SHANK1: variants seen among roughly 807,000 people sequenced by gnomAD.
SHANK1 encodes the protein SH3 and multiple ankyrin repeat domains protein 1.
SHANK1 carries 35 observed loss-of-function variants against 165.6 expected under a neutral mutation model. The observed-to-expected ratio is 0.21, with a 90% CI of 0.16 to 0.28. The LOEUF is 0.28. Ranked by LOEUF, SHANK1 falls within the 10% of genes least tolerant of loss-of-function variation. The pLI is 1.00. For synonymous variants in SHANK1, 1,428 were observed against 1,384.8 expected (o/e 1.03, Z -0.69); for missense variants, 2,681 against 3,036.4 (o/e 0.88, Z 2.75).
At position 50,702,880 on chromosome 19, in the gene SHANK1, GC is replaced by G. The variant is rs1055151130; in HGVS notation, c.1554-221del. On this transcript the variant is annotated intron_variant, in intron 11 of 23. Coordinates refer to ENST00000293441, the MANE Select transcript of SHANK1 (RefSeq NM_016148.5). This position sits in a 1 kb window ranked among gnomAD's most constrained non-coding sequence, Gnocchi z 5.3. The stretch of plus-strand genomic sequence containing the variant: ...CTCCTGCCTCCTGGCTTCCGGCTCT[GC>G]CCCCTCCCACGGTCCTGCGCGCACC... 6.6e-6 allele frequency among the ~76,000 whole-genome samples: 1 copy of G among 152,034 alleles called. No homozygotes were observed. Among genetic ancestry groups the G allele is most frequent in the African/African-American group, 2.4e-5 (1 of 41,380 alleles).
chr19:50,659,441 T>G lies in SHANK1; in HGVS notation c.*2524A>C. The G allele has an allele frequency of 1.2e-5, 3 of 242,426 alleles. No individual in the cohort carries two copies. The highest frequency in any genetic ancestry group is 1.6e-5 in the Non-Finnish European group (2 of 127,694). 15.0% of individuals were successfully genotyped at this position (242,426 alleles called of 1,614,324 possible). ...CTGTACGTGGACGCCTGGGTCCCAA[T>G]CCCTTGAGGGATGAACTGAAGCCCG... On this transcript the variant is annotated 3_prime_UTR_variant, in exon 24 of 24. Transcript: ENST00000293441.
chr19:50,690,991 G>A lies in SHANK1; in HGVS notation c.1965-1712C>T, dbSNP rs954211645. On this transcript the variant is annotated intron_variant, in intron 15 of 23. Transcript: ENST00000293441. This position sits in a 1 kb window ranked among gnomAD's most constrained non-coding sequence, Gnocchi z 4.9. ...CTCCCTTCCTGCTGCCACCCTCCTT[G>A]TGGCACCTCAGTGCACCTAACACCA... is the stretch of plus-strand genomic sequence containing the variant. 6.6e-6 allele frequency among the ~76,000 whole-genome samples: 1 copy of A among 152,092 alleles called. No individual in the cohort carries two copies. The highest frequency in any genetic ancestry group is 1.5e-5 in the Non-Finnish European group (1 of 67,998).
chr19:50,666,522 CCCG>C lies in SHANK1; in HGVS notation c.5435_5437del (p.Ala1812del). ...TTCTGGCTCTACAGCCACCGGACCC[CCCG>C]CCACGCCTGCCGTGGGGGGTCCTGA... On this transcript the variant is annotated inframe_deletion, in exon 23 of 24. Coordinates refer to ENST00000293441, the MANE Select transcript of SHANK1 (RefSeq NM_016148.5). 6.3e-7 allele frequency: 1 copy of C among 1,586,374 alleles called. No homozygotes were observed.
chr19:50,659,255 T>C lies in SHANK1; in HGVS notation c.*2710A>G. On this transcript the variant is annotated 3_prime_UTR_variant, in exon 24 of 24. Transcript: ENST00000293441. Reference sequence around the variant, plus strand: ...TTCCCAGGAAGGAGGCGGGGCCGGCTCGAGGGGGTGGATACTGTGAGTTTA... The same window carrying C: ...TTCCCAGGAAGGAGGCGGGGCCGGCCCGAGGGGGTGGATACTGTGAGTTTA... 1 of 848,840 alleles carries C rather than the reference T, an allele frequency of 1.2e-6. No homozygotes were observed. Among genetic ancestry groups the C allele is most frequent in the Non-Finnish European group, 1.6e-6 (1 of 630,846 alleles). The allele number at this position is 848,840 out of a possible 1,614,324, so 52.6% of individuals were successfully genotyped here. A position where few individuals can be genotyped will look rare whatever the true frequency, so the allele number is the denominator to read the frequency against.
chr19:50,672,372 C>T (rs187910678), intron 21 of SHANK1, among the ~76,000 whole-genome samples: 38 of 151,598 alleles, frequency 2.5e-4, no homozygotes, highest in Non-Finnish European at 3.8e-4. Flanking sequence ...ATGGCAAAAC[C>T]TCGTCTCTCT....
intron 21 of SHANK1, among the ~76,000 whole-genome samples, chr19:50,672,784 C>T (rs1460237329): frequency 6.6e-6 from 1 of 152,068 alleles, no homozygotes; most frequent in East Asian, 1.9e-4. Context: ...TCCTTGATCC[C>T]CCACCCTGTT....
rs376232050 is a variant in SHANK1 at position 50,711,505 on chromosome 19, C to T, written c.961-18G>A. On this transcript the variant is annotated intron_variant, in intron 7 of 23. Transcript: ENST00000293441. Reference sequence around the variant, plus strand: ...TGGCAGGCCTGGGCAGGACAGGGAGCGAGGGGCATGGATCAGACCCAGGCT... The same window carrying T: ...TGGCAGGCCTGGGCAGGACAGGGAGTGAGGGGCATGGATCAGACCCAGGCT... The T allele has an allele frequency of 2.8e-5, 43 of 1,545,562 alleles. No homozygotes were observed. The highest frequency in any genetic ancestry group is 2.4e-4 in the East Asian group (10 of 42,248).
At position 50,698,050 on chromosome 19, in the gene SHANK1, C is replaced by A. The variant is rs188955575; in HGVS notation, c.1748-94G>T. 5.8e-5 allele frequency: 51 copies of A among 885,076 alleles called. No homozygotes were observed. The East Asian group carries it at 1.3e-3, about 23-fold the overall frequency. 54.8% of individuals were successfully genotyped at this position (885,076 alleles called of 1,614,324 possible). On this transcript the variant is annotated intron_variant, in intron 12 of 23. Coordinates refer to ENST00000293441, the MANE Select transcript of SHANK1 (RefSeq NM_016148.5). ...CAACTTAGAGCATTCCCACAGTTACCAGCTCCTGGCCCAAGGCCATCCTTA... is the reference window on the plus strand; with the variant it reads ...CAACTTAGAGCATTCCCACAGTTACAAGCTCCTGGCCCAAGGCCATCCTTA...
chr19:50,703,266 G>C (rs2088891780), intron 11 of SHANK1, among the ~76,000 whole-genome samples: 1 of 152,100 alleles, frequency 6.6e-6, no homozygotes, highest in Non-Finnish European at 1.5e-5. Context: ...TTTCTTTGGG[G>C]TACCCTCTGC....
At chr19:50,685,652 G>C (rs1274918) in intron 21 of SHANK1, among the ~76,000 whole-genome samples, 1 of 151,954 alleles carries the variant, frequency 6.6e-6, no homozygotes, top group Non-Finnish European at 1.5e-5. Context: ...TGAACCCGGG[G>C]GGCAGAGGTT....
At chr19:50,676,619 C>T (rs1264644935) in intron 21 of SHANK1, among the ~76,000 whole-genome samples, 1 of 152,154 alleles carries the variant, frequency 6.6e-6, no homozygotes, top group Non-Finnish European at 1.5e-5. Context: ...AGGCTTCCTC[C>T]TGTTACTCTG....
chr19:50,688,787 G>C lies in SHANK1; in HGVS notation c.2172+57C>G. 6.4e-7 allele frequency: 1 copy of C among 1,560,386 alleles called. No homozygotes were observed. On this transcript the variant is annotated intron_variant, in intron 17 of 23. Transcript: ENST00000293441. This position sits in a 1 kb window ranked among gnomAD's most constrained non-coding sequence, Gnocchi z 6.7. Reference sequence around the variant, plus strand: ...GCAGCCAGATCCTGGTGTGAATCATGAGGGGGTCTGGGAACTTGTCACAGG... The same window carrying C: ...GCAGCCAGATCCTGGTGTGAATCATCAGGGGGTCTGGGAACTTGTCACAGG...
Position 50,672,054 on chromosome 19 carries a change from G to T in SHANK1, c.2638C>A (p.Pro880Thr). 1 of 1,613,946 alleles carries T rather than the reference G, an allele frequency of 6.2e-7. No individual in the cohort carries two copies. The highest frequency in any genetic ancestry group is 8.5e-7 in the Non-Finnish European group (1 of 1,179,938). The change falls in exon 22 of 24, where the codon CCA becomes ACA. Residue 880 changes from proline (P) to threonine (T), a missense_variant. Transcript: ENST00000293441. Reference sequence around the variant, plus strand: ...TGCCGGAGCATCAACCCAGGTCCTGGAGGCAGGAAAGAAGGACGCTCGTAA... The same window carrying T: ...TGCCGGAGCATCAACCCAGGTCCTGTAGGCAGGAAAGAAGGACGCTCGTAA... ...PSYERPSFLP[P>T]GPGLMLRQKS...
chr19:50,680,309 C>T (rs1252655439), intron 21 of SHANK1, among the ~76,000 whole-genome samples: 2 of 152,054 alleles, frequency 1.3e-5, no homozygotes, highest in Non-Finnish European at 2.9e-5. Flanking sequence ...GGGAGGGCAG[C>T]TCTGACTCAG....
At chr19:50,698,295 C>T (rs963588233) in intron 12 of SHANK1, among the ~76,000 whole-genome samples, 2 of 152,166 alleles carry the variant, frequency 1.3e-5, no homozygotes, top group African/African-American at 4.8e-5. Context: ...CTCCTAGGCT[C>T]TGTGGACTTA....
chr19:50,711,833 T>G, intron 7 of SHANK1, 114 bp downstream of exon 7: 1 of 1,202,650 alleles, frequency 8.3e-7, no homozygotes. Flanking sequence ...ACCATGTTAT[T>G]CTCACCCCCA....
rs151003897 is a variant in SHANK1 at position 50,710,290 on chromosome 19, G to A, written c.1077+1081C>T. 9.2e-5 allele frequency among the ~76,000 whole-genome samples: 14 copies of A among 152,314 alleles called. No homozygotes were observed. In the South Asian group the frequency reaches 1.5e-3, roughly 16 times the overall value. On this transcript the variant is annotated intron_variant, in intron 8 of 23. Transcript: ENST00000293441. ...GGCATACTGCTGGCTGCCACAAGGCGGCACGTGGCCACCCGCCAAATCCCC... is the reference window on the plus strand; with the variant it reads ...GGCATACTGCTGGCTGCCACAAGGCAGCACGTGGCCACCCGCCAAATCCCC...
chr19:50,671,764 T>TC (rs959267064), intron 22 of SHANK1, among the ~76,000 whole-genome samples: 7 of 152,046 alleles, frequency 4.6e-5, no homozygotes, highest in Non-Finnish European at 8.8e-5. Context: ...GCTCACTGCA[T>TC]CCCCATTCTC....
intron 21 of SHANK1, among the ~76,000 whole-genome samples, chr19:50,679,182 G>T (rs1207721182): frequency 6.7e-6 from 1 of 148,712 alleles, no homozygotes; most frequent in Non-Finnish European, 1.5e-5. Context: ...TGATGGGGGG[G>T]TGTCAGTGTG....
Sources: gnomAD v4.1 joint callset for allele counts (sites outside exome capture counted in the v4.1 genomes callset) on GRCh38, gnomAD v4.1.1 for gene constraint, Gnocchi (gnomAD v3.1) non-coding constraint, MANE v1.5 for transcripts, NCBI Gene and HGNC (gene_info 2026-07-23, HGNC 2026-07-21) for gene names.